WWC2: variants seen among roughly 807,000 people sequenced by gnomAD.
WWC2 encodes protein WWC2.
WWC2 carries 101 observed loss-of-function variants against 138.5 expected under a neutral mutation model. The observed-to-expected ratio is 0.73, with a 90% CI of 0.62 to 0.86. WWC2 has a LOEUF of 0.86. Ranked by LOEUF, WWC2 falls within the 40% of genes least tolerant of loss-of-function variation. The pLI, the probability that WWC2 is intolerant of heterozygous loss-of-function variation, is 0.00. For synonymous variants in WWC2, 558 were observed against 538.4 expected (o/e 1.04, Z -0.50); for missense variants, 1,420 against 1,419.4 (o/e 1.00, Z -0.01).
At chr4:183,121,276 G>A (rs1732591742) in intron 1 of WWC2, among the ~76,000 whole-genome samples, 1 of 151,154 alleles carries the variant, frequency 6.6e-6, no homozygotes, top group Non-Finnish European at 1.5e-5. Flanking sequence ...TGTGATGATT[G>A]TTGTGCTAAT....
At chr4:183,208,879 A>C in intron 3 of WWC2, 70 bp from the exon 4 acceptor site, 1 of 1,059,000 alleles carries the variant, frequency 9.4e-7, no homozygotes. Context: ...TTTTAGCTTC[A>C]GTAAATTCTA....
At chr4:183,207,728 T>A (rs1011160895) in intron 2 of WWC2, among the ~76,000 whole-genome samples, 3 of 152,174 alleles carry the variant, frequency 2.0e-5, no homozygotes, top group Admixed American at 2.0e-4. Context: ...ACATTGTGTG[T>A]GGTAGATTTA....
rs367764222 is a variant in WWC2, at chr4:183,245,563, T to C, written c.732+18T>C. The C allele has an allele frequency of 3.7e-5, 58 of 1,561,176 alleles. No individual in the cohort carries two copies. In the African/African-American group the frequency reaches 7.7e-4, roughly 21 times the overall value. On this transcript the variant is annotated intron_variant, in intron 6 of 22. Transcript: ENST00000403733. ...TGATGCAGGTACATTATAAAACATTTTGTTAAGCCAAACTTCTACCTTCTG... is the reference window on the plus strand; with the variant it reads ...TGATGCAGGTACATTATAAAACATTCTGTTAAGCCAAACTTCTACCTTCTG...
intron 15 of WWC2, 111 bp downstream of exon 15, chr4:183,269,274 A>G: frequency 1.9e-6 from 2 of 1,044,434 alleles, no homozygotes. Context: ...AGACCTGCCC[A>G]ACATCTTGGG....
Position 183,253,806 on chromosome 4 carries a change from C to T in WWC2, c.1003C>T (p.Pro335Ser), listed in dbSNP as rs772994261. The change falls in exon 9 of 23, where the codon CCT becomes TCT. Residue 335 changes from proline (P) to serine (S), a missense_variant. Pro to Ser is a moderately conservative substitution (Grantham distance 74, BLOSUM62 -1). Coordinates refer to ENST00000403733, the MANE Select transcript of WWC2 (RefSeq NM_024949.6). ...GTCAAAATTGGACAGTGAGGCCTGG[C>T]CTGGGGCACTGGATATTGAGAAGGA... ...ELSKLDSEAW[P>S]GALDIEKEKL... 5.2e-5 allele frequency: 84 copies of T among 1,613,422 alleles called. No homozygotes were observed. Among genetic ancestry groups the T allele is most frequent in the Non-Finnish European group, 6.9e-5 (81 of 1,179,798 alleles).
chr4:183,249,416 T>A (rs1736903967), intron 7 of WWC2, among the ~76,000 whole-genome samples: 1 of 152,226 alleles, frequency 6.6e-6, no homozygotes, highest in African/African-American at 2.4e-5. Flanking sequence ...TCTTTTCATA[T>A]TCTTTTATGC....
intron 1 of WWC2, among the ~76,000 whole-genome samples, chr4:183,175,813 A>G (rs1734452232): frequency 6.6e-6 from 1 of 152,206 alleles, no homozygotes. Flanking sequence ...TTATTTTTTA[A>G]TGGTTTGTTT....
chr4:183,289,334 G>A (rs949317036), intron 20 of WWC2, 59 bp from the exon 21 acceptor site: 1 of 1,565,256 alleles, frequency 6.4e-7, no homozygotes, highest in Non-Finnish European at 8.7e-7. Context: ...AGGAGGGGAA[G>A]TGGGGTAACC....
At chr4:183,199,381 C>T (rs190000768) in intron 2 of WWC2, among the ~76,000 whole-genome samples, 208 of 152,330 alleles carry the variant, frequency 1.4e-3, no homozygotes, top group Non-Finnish European at 2.3e-3. Flanking sequence ...TGCCATGGTA[C>T]TAGCCACTCA....
rs564396747 is a variant in WWC2, at chr4:183,319,712, G to C, written c.*3983G>C. 150 of 1,614,110 alleles carry C rather than the reference G, an allele frequency of 9.3e-5. 1 individual carries two copies. In the East Asian group the frequency reaches 3.2e-3, roughly 34 times the overall value. On this transcript the variant is annotated 3_prime_UTR_variant, in exon 23 of 23. Coordinates refer to ENST00000403733, the MANE Select transcript of WWC2 (RefSeq NM_024949.6). ...GCAGAAGAGAAAGTCCAGCAAACCA[G>C]CCCAGAAACAGGGCCTCCCCAAACT...
intron 21 of WWC2, among the ~76,000 whole-genome samples, chr4:183,308,811 A>G (rs568425590): frequency 1.4e-4 from 21 of 152,336 alleles, no homozygotes; most frequent in Middle Eastern, 3.4e-3. Flanking sequence ...TCATTAATGG[A>G]ATAATGACAA....
At chr4:183,203,993 A>G (rs978749243) in intron 2 of WWC2, among the ~76,000 whole-genome samples, 4 of 152,162 alleles carry the variant, frequency 2.6e-5, no homozygotes, top group African/African-American at 9.7e-5. Context: ...TTCTCTCAGA[A>G]GCAAACCCTA....
rs909075364 is a variant in WWC2 at position 183,319,332 on chromosome 4, C to T, written c.*3603C>T. 8 of 479,744 alleles carry T rather than the reference C, an allele frequency of 1.7e-5. No individual in the cohort carries two copies. The highest frequency in any genetic ancestry group is 2.9e-5 in the Non-Finnish European group (8 of 275,556). 29.7% of individuals were successfully genotyped at this position (479,744 alleles called of 1,614,324 possible). A position where few individuals can be genotyped will look rare whatever the true frequency, so the allele number is the denominator to read the frequency against. ...TATTTTAAAATTGAGAAAACTCATC[C>T]ACAGTAATGGGTGTCATTACTATTC... On this transcript the variant is annotated 3_prime_UTR_variant, in exon 23 of 23. Coordinates refer to ENST00000403733, the MANE Select transcript of WWC2 (RefSeq NM_024949.6).
intron 1 of WWC2, among the ~76,000 whole-genome samples, chr4:183,172,525 G>T (rs1181930309): frequency 5.0e-5 from 7 of 141,112 alleles, no homozygotes; most frequent in African/African-American, 2.6e-5. Context: ...CCAGTGTTGT[G>T]TTTGAGAGGT....
At chr4:183,210,397 CATTGT>C (rs1446997400) in intron 4 of WWC2, among the ~76,000 whole-genome samples, 3 of 152,026 alleles carry the variant, frequency 2.0e-5, no homozygotes, top group East Asian at 1.9e-4. Flanking sequence ...TAGGGAATAA[CATTGT>C]ATTGTATTAG....
intron 21 of WWC2, among the ~76,000 whole-genome samples, chr4:183,306,538 TAATA>T (rs967666997): frequency 2.6e-5 from 4 of 151,872 alleles, no homozygotes. Context: ...ACATAATGAA[TAATA>T]AAGAGATTAA....
intron 1 of WWC2, among the ~76,000 whole-genome samples, chr4:183,180,411 A>G (rs1325829317): frequency 6.6e-6 from 1 of 152,144 alleles, no homozygotes; most frequent in African/African-American, 2.4e-5. Context: ...GATGTTTAGT[A>G]TTCGTAGAAT....
At position 183,182,208 on chromosome 4, in the gene WWC2, G is replaced by C. The variant is rs146208472; in HGVS notation, c.132-11391G>C. On this transcript the variant is annotated intron_variant, in intron 1 of 22. Transcript: ENST00000403733. ...TTTTAATCATTTAACTTCTTCAAAA[G>C]GGAAGTTGTGGCCCTTCAGAAAGGT... 8.5e-5 allele frequency among the ~76,000 whole-genome samples: 13 copies of C among 152,228 alleles called. No homozygotes were observed. In the East Asian group the frequency reaches 2.5e-3, roughly 29 times the overall value.
At chr4:183,227,479 A>G (rs1169472725) in intron 4 of WWC2, among the ~76,000 whole-genome samples, 1 of 152,138 alleles carries the variant, frequency 6.6e-6, no homozygotes, top group Admixed American at 6.5e-5. Context: ...TTTGATCTTC[A>G]GATGCTTGAG....
Sources: gnomAD v4.1 joint callset for allele counts (sites outside exome capture counted in the v4.1 genomes callset) on GRCh38, gnomAD v4.1.1 for gene constraint, MANE v1.5 for transcripts, NCBI Gene and HGNC (gene_info 2026-07-23, HGNC 2026-07-21) for gene names.